Variants in SLC16A1 observed in about 807,000 individuals in gnomAD.
The protein encoded by SLC16A1 is solute carrier family 16 member 1, also known as monocarboxylate transporter 1.
In SLC16A1, 11 loss-of-function variants were observed where a neutral mutation model predicts 32.2. That is an observed-to-expected ratio of 0.34 (90% CI 0.21 to 0.56). The LOEUF (loss-of-function observed/expected upper bound fraction) is 0.56. Among genes scored for constraint, SLC16A1 ranks in the 20% least tolerant of loss-of-function variants. SLC16A1 has a pLI of 0.87. For missense variants in SLC16A1, 435 were observed against 615.0 expected, an observed-to-expected ratio of 0.71 and a Z score of 3.10; for synonymous variants, 231 against 226.8, an observed-to-expected ratio of 1.02 and a Z score of -0.17.
intron 2 of SLC16A1, chr1:112,923,331 C>A: frequency 2.1e-6 from 1 of 467,910 alleles, no homozygotes; most frequent in Non-Finnish European, 4.0e-6. Flanking sequence ...ACAGCAATCC[C>A]TAAAGCCACG....
Position 112,923,453 on chromosome 1 carries a change from A to G in SLC16A1, c.218-1320T>C. Reference sequence around the variant, plus strand: ...CCGGCCCTCCACGGTGTTGGGTGCCATGGAGATGGGGCGCCGTAGTCACCC... The same window carrying G: ...CCGGCCCTCCACGGTGTTGGGTGCCGTGGAGATGGGGCGCCGTAGTCACCC... On this transcript the variant is annotated intron_variant, in intron 2 of 4. Coordinates refer to ENST00000369626, the MANE Select transcript of SLC16A1 (RefSeq NM_003051.4). 6 of 722,814 alleles carry G rather than the reference A, an allele frequency of 8.3e-6. No homozygotes were observed. In the South Asian group the frequency reaches 8.9e-5, roughly 11 times the overall value. 44.8% of individuals were successfully genotyped at this position (722,814 alleles called of 1,614,324 possible).
chr1:112,919,821 T>TA (rs1375746439), intron 3 of SLC16A1, among the ~76,000 whole-genome samples: 1 of 152,196 alleles, frequency 6.6e-6, no homozygotes, highest in Non-Finnish European at 1.5e-5. Flanking sequence ...GGTCTCTACT[T>TA]AAAGTTGATT....
chr1:112,925,419 A>G (rs1275318145), intron 2 of SLC16A1, among the ~76,000 whole-genome samples: 4 of 151,174 alleles, frequency 2.6e-5, no homozygotes, highest in African/African-American at 9.8e-5. Flanking sequence ...TTGTTCTGTC[A>G]CCCAGGCTGG....
At chr1:112,947,627 T>C (rs1649748533) in intron 1 of SLC16A1, among the ~76,000 whole-genome samples, 1 of 152,234 alleles carries the variant, frequency 6.6e-6, no homozygotes, top group African/African-American at 2.4e-5. Flanking sequence ...TTTAGTCTCA[T>C]TTTAAACGTT....
At chr1:112,949,992 A>G (rs2101653131) in intron 1 of SLC16A1, among the ~76,000 whole-genome samples, 1 of 152,352 alleles carries the variant, frequency 6.6e-6, no homozygotes, top group African/African-American at 2.4e-5. Flanking sequence ...AGCTTAAACA[A>G]TTTCAAGATA....
chr1:112,951,260 A>G (rs1649881289), intron 1 of SLC16A1, among the ~76,000 whole-genome samples: 1 of 152,118 alleles, frequency 6.6e-6, no homozygotes, highest in Admixed American at 6.6e-5. Context: ...ACGAGAAATA[A>G]CAAAAGGGAC....
chr1:112,926,513 G>T (rs531038884), intron 2 of SLC16A1, among the ~76,000 whole-genome samples: 2 of 152,094 alleles, frequency 1.3e-5, no homozygotes, highest in Non-Finnish European at 2.9e-5. Context: ...AACCCAGGAG[G>T]CAGAAGTTTC....
At chr1:112,930,892 T>C (rs1281711707) in intron 1 of SLC16A1, among the ~76,000 whole-genome samples, 1 of 152,148 alleles carries the variant, frequency 6.6e-6, no homozygotes, top group Non-Finnish European at 1.5e-5. Context: ...CTGATTTTTG[T>C]ATTTTTAGTA....
At chr1:112,951,862 C>G (rs565172880) in intron 1 of SLC16A1, among the ~76,000 whole-genome samples, 2 of 152,222 alleles carry the variant, frequency 1.3e-5, no homozygotes, top group South Asian at 4.1e-4. Flanking sequence ...CTTGTCCTTC[C>G]TATTCAAACT....
chr1:112,944,893 G>A (rs1353906892), intron 1 of SLC16A1, among the ~76,000 whole-genome samples: 2 of 151,556 alleles, frequency 1.3e-5, no homozygotes, highest in East Asian at 1.9e-4. Flanking sequence ...GGGTTTCACC[G>A]TGCTGGCTAG....
chr1:112,953,648 A>T (rs1649978127), intron 1 of SLC16A1, among the ~76,000 whole-genome samples: 1 of 151,888 alleles, frequency 6.6e-6, no homozygotes, highest in African/African-American at 2.4e-5. Flanking sequence ...ATTCTCTTTG[A>T]CTTTTTTATG....
intron 1 of SLC16A1, among the ~76,000 whole-genome samples, chr1:112,953,153 C>CTTTTTT: frequency 7.7e-6 from 1 of 130,186 alleles, no homozygotes; most frequent in African/African-American, 2.8e-5. Flanking sequence ...ACTGAAAATC[C>CTTTTTT]TTTTTTTTTT....
At chr1:112,923,708 G>A (rs563788419) in intron 2 of SLC16A1, 567 of 1,538,476 alleles carry the variant, frequency 3.7e-4, no homozygotes, top group Non-Finnish European at 4.9e-4. Context: ...ACAGCACCCC[G>A]GTGGAAGAGA....
intron 2 of SLC16A1, among the ~76,000 whole-genome samples, chr1:112,926,435 T>A (rs940710323): frequency 2.6e-5 from 4 of 151,814 alleles, no homozygotes; most frequent in Admixed American, 2.0e-4. Context: ...ATACAAAAAC[T>A]AGCTGGGCGT....
At chr1:112,945,413 G>A (rs571535221) in intron 1 of SLC16A1, among the ~76,000 whole-genome samples, 25 of 151,704 alleles carry the variant, frequency 1.6e-4, no homozygotes, top group African/African-American at 5.6e-4. Flanking sequence ...GGTGGCTCAC[G>A]CCTGTAATCC....
intron 3 of SLC16A1, among the ~76,000 whole-genome samples, chr1:112,920,575 T>C (rs1285534203): frequency 6.6e-6 from 1 of 151,926 alleles, no homozygotes; most frequent in Non-Finnish European, 1.5e-5. Context: ...CATAGCAGTC[T>C]AGCCTGGCAG....
chr1:112,948,227 G>A (rs1298953775), intron 1 of SLC16A1, among the ~76,000 whole-genome samples: 1 of 151,788 alleles, frequency 6.6e-6, no homozygotes, highest in Admixed American at 6.6e-5. Context: ...AGCCGGGGGC[G>A]GCGGGGGAGA....
At chr1:112,942,962 G>A (rs1036550887) in intron 1 of SLC16A1, among the ~76,000 whole-genome samples, 1 of 151,138 alleles carries the variant, frequency 6.6e-6, no homozygotes, top group Non-Finnish European at 1.5e-5. Flanking sequence ...GCACTTGTGT[G>A]TATATATTTA....
chr1:112,923,664 C>T (rs985128667), intron 2 of SLC16A1: 19 of 1,505,958 alleles, frequency 1.3e-5, no homozygotes, highest in South Asian at 3.4e-5. Context: ...GCAGTGTCCC[C>T]GAGTGGACCT....
Sources: gnomAD v4.1 joint callset for allele counts (sites outside exome capture counted in the v4.1 genomes callset) on GRCh38, gnomAD v4.1.1 for gene constraint, MANE v1.5 for transcripts, NCBI Gene and HGNC (gene_info 2026-07-23, HGNC 2026-07-21) for gene names.